Variants in AKR1C1 observed in about 807,000 individuals in gnomAD.
The protein encoded by AKR1C1 is aldo-keto reductase family 1 member C1, also known as 20 alpha-hydroxysteroid dehydrogenase.
In AKR1C1, 32 loss-of-function variants were observed where a neutral mutation model predicts 40.6. That is an observed-to-expected ratio of 0.79 (90% CI 0.60 to 1.06). The LOEUF (loss-of-function observed/expected upper bound fraction) is 1.06, where lower values mean the gene tolerates loss of function less well. AKR1C1 is among the 50% of genes least tolerant of loss of function. The pLI is 0.00. For synonymous variants in AKR1C1, 105 were observed against 134.2 expected (o/e 0.78, Z 1.50); for missense variants, 320 against 363.5 (o/e 0.88, Z 0.97).
At position 4,979,250 on chromosome 10, in the gene AKR1C1, C is replaced by A. The variant is rs529343214; in HGVS notation, c.*1508C>A. ...TTATTTTTCGTCTTCTATCATTCCGCTGATCTTAGATATTCTCTGCATTAA... is the reference window on the plus strand; with the variant it reads ...TTATTTTTCGTCTTCTATCATTCCGATGATCTTAGATATTCTCTGCATTAA... On this transcript the variant is annotated 3_prime_UTR_variant, in exon 9 of 9. Coordinates refer to ENST00000380872, the MANE Select transcript of AKR1C1 (RefSeq NM_001353.6). The A allele has an allele frequency of 4.6e-3, 708 of 152,282 alleles. 8 individuals carry two copies. Among genetic ancestry groups the A allele is most frequent in the African/African-American group, 0.016 (673 of 41,564 alleles). The allele number at this position is 152,282 out of a possible 1,614,324, so 9.4% of individuals were successfully genotyped here. A position where few individuals can be genotyped will look rare whatever the true frequency, so the allele number is the denominator to read the frequency against.
chr10:4,969,075 C>T (rs991610538), intron 5 of AKR1C1, 131 bp downstream of exon 5: 7 of 1,542,618 alleles, frequency 4.5e-6, no homozygotes, highest in Admixed American at 2.0e-5. Context: ...GACTCTGTCT[C>T]GAAGGGCATA....
chr10:4,973,125 T>C (rs1836465038), intron 7 of AKR1C1, among the ~76,000 whole-genome samples: 1 of 151,234 alleles, frequency 6.6e-6, no homozygotes, highest in South Asian at 2.1e-4. Flanking sequence ...ATATTTATTC[T>C]CTTAGAATTT....
In AKR1C1 at chr10:4,971,802, C is replaced by A. The variant is rs576655715; in HGVS notation, c.571-399C>A. 4.9e-4 allele frequency among the ~76,000 whole-genome samples: 74 copies of A among 151,892 alleles called. No individual in the cohort carries two copies. In the South Asian group the frequency reaches 0.015, roughly 31 times the overall value. On this transcript the variant is annotated intron_variant, in intron 5 of 8. Coordinates refer to ENST00000380872, the MANE Select transcript of AKR1C1 (RefSeq NM_001353.6). ...TAGAAAACATACATATACATGTATG[C>A]ATTTTTGGTATTAATTAGGAAACTA...
In AKR1C1 at chr10:4,982,897, G is replaced by C. The variant is rs1441294446; in HGVS notation, c.*5155G>C. The C allele has an allele frequency of 2.3e-6, 1 of 441,632 alleles. No individual in the cohort carries two copies. The highest frequency in any genetic ancestry group is 2.4e-5 in the Admixed American group (1 of 41,862). 27.4% of individuals were successfully genotyped at this position (441,632 alleles called of 1,614,324 possible). On this transcript the variant is annotated 3_prime_UTR_variant, in exon 9 of 9. Coordinates refer to ENST00000380872, the MANE Select transcript of AKR1C1 (RefSeq NM_001353.6). ...CGTACCACACCCTGACCAGTCAGAG[G>C]TCTTGAGTCGGTCCGCATGACAAGT...
chr10:4,971,433 G>A (rs1393689542), intron 5 of AKR1C1, among the ~76,000 whole-genome samples: 6 of 149,620 alleles, frequency 4.0e-5, no homozygotes, highest in Non-Finnish European at 7.4e-5. Context: ...ACAGACTCAC[G>A]GATTCTTGTG....
intron 4 of AKR1C1, 99 bp downstream of exon 4, chr10:4,968,485 C>G: frequency 7.0e-7 from 1 of 1,419,648 alleles, no homozygotes; most frequent in East Asian, 2.3e-5. Context: ...ACCATTGGAT[C>G]AAAAACTTAG....
chr10:4,971,457 T>C (rs1435898865), intron 5 of AKR1C1, among the ~76,000 whole-genome samples: 2 of 148,888 alleles, frequency 1.3e-5, no homozygotes, highest in Non-Finnish European at 3.0e-5. Context: ...TGATTTTTAA[T>C]TTATTTTACT....
chr10:4,966,318 A>G (rs1564314978), intron 2 of AKR1C1, among the ~76,000 whole-genome samples: 1 of 152,238 alleles, frequency 6.6e-6, no homozygotes, highest in Non-Finnish European at 1.5e-5. Context: ...CTCAGCACAG[A>G]TCAATATGGT....
At position 4,978,771 on chromosome 10, in the gene AKR1C1, G is replaced by A. The variant is rs1309434132; in HGVS notation, c.*1029G>A. ...AAATAATACATCTAATAAATCAAAT[G>A]TTCCAAGACTTCAAAGGTCTTTTGG... is the stretch of plus-strand genomic sequence containing the variant. On this transcript the variant is annotated 3_prime_UTR_variant, in exon 9 of 9. Coordinates refer to ENST00000380872, the MANE Select transcript of AKR1C1 (RefSeq NM_001353.6). 6 of 152,094 alleles carry A rather than the reference G, an allele frequency of 3.9e-5. No homozygotes were observed. The highest frequency in any genetic ancestry group is 7.2e-5 in the African/African-American group (3 of 41,406). 9.4% of individuals were successfully genotyped at this position (152,094 alleles called of 1,614,324 possible). A position where few individuals can be genotyped will look rare whatever the true frequency, so the allele number is the denominator to read the frequency against.
chr10:4,977,789 T>C lies in AKR1C1; in HGVS notation c.*47T>C. 1.4e-6 allele frequency: 2 copies of C among 1,467,368 alleles called. No homozygotes were observed. Among genetic ancestry groups the C allele is most frequent in the Non-Finnish European group, 1.9e-6 (2 of 1,050,880 alleles). 90.9% of individuals were successfully genotyped at this position (1,467,368 alleles called of 1,614,324 possible). A position where few individuals can be genotyped will look rare whatever the true frequency, so the allele number is the denominator to read the frequency against. On this transcript the variant is annotated 3_prime_UTR_variant, in exon 9 of 9. Coordinates refer to ENST00000380872, the MANE Select transcript of AKR1C1 (RefSeq NM_001353.6). ...TCTGCCAGAAGGCCCTGCGTGTGGA[T>C]GGTGACACAGAGGATGGCTCTATGC...
intron 3 of AKR1C1, chr10:4,967,689 T>C (rs1836354186): frequency 1.8e-6 from 1 of 550,268 alleles, no homozygotes. Context: ...TGATAAAAAC[T>C]CTAAAAATAT....
intron 7 of AKR1C1, among the ~76,000 whole-genome samples, chr10:4,973,639 G>C (rs573625246): frequency 3.7e-4 from 56 of 152,226 alleles, no homozygotes; most frequent in South Asian, 8.3e-4. Context: ...TGGGGAAAAA[G>C]ACACCACCTC....
intron 5 of AKR1C1, chr10:4,969,905 C>A: frequency 1.8e-6 from 1 of 560,182 alleles, no homozygotes; most frequent in Non-Finnish European, 3.1e-6. Flanking sequence ...TATAATGATA[C>A]GGTGCTGTGA....
In AKR1C1 at chr10:4,972,695, G is replaced by T. The variant is rs1209597894; in HGVS notation, c.792G>T (p.Gly264=). The change falls in exon 7 of 9, where the codon GGG becomes GGT. Residue 264 remains glycine (G), a synonymous_variant. Coordinates refer to ENST00000380872, the MANE Select transcript of AKR1C1 (RefSeq NM_001353.6). ...CCCTGCGCTACCAGCTACAGCGTGGGGTTGTGGTCCTGGCCAAGAGCTACA... is the reference window on the plus strand; with the variant it reads ...CCCTGCGCTACCAGCTACAGCGTGGTGTTGTGGTCCTGGCCAAGAGCTACA... ...LIALRYQLQR[G]VVVLAKSYNE... is the part of the protein sequence containing the mutation. 3.7e-6 allele frequency: 6 copies of T among 1,612,488 alleles called. No homozygotes were observed. In the Admixed American group the frequency reaches 8.3e-5, roughly 22 times the overall value.
chr10:4,973,241 G>T (rs1314206298), intron 7 of AKR1C1, among the ~76,000 whole-genome samples: 1 of 151,462 alleles, frequency 6.6e-6, no homozygotes, highest in Non-Finnish European at 1.5e-5. Context: ...AATACCTTAG[G>T]ATATAAGACA....
Position 4,972,267 on chromosome 10 carries a change from C to A in AKR1C1, c.637C>A (p.Leu213Met). 6.2e-7 allele frequency: 1 copy of A among 1,613,864 alleles called. No individual in the cohort carries two copies. Among genetic ancestry groups the A allele is most frequent in the Non-Finnish European group, 8.5e-7 (1 of 1,179,990 alleles). Reference sequence around the variant, plus strand: ...TTTCTGCAAGTCAAAAGACATTGTTCTGGTTGCCTATAGTGCTCTGGGATC... The same window carrying A: ...TTTCTGCAAGTCAAAAGACATTGTTATGGTTGCCTATAGTGCTCTGGGATC... Reference protein sequence around the residue: ...LDFCKSKDIVLVAYSALGSHR... With the variant: ...LDFCKSKDIVMVAYSALGSHR... Residue 213 changes from leucine to methionine, a missense_variant, in exon 6 of 9, where the codon CTG becomes ATG. Coordinates refer to ENST00000380872, the MANE Select transcript of AKR1C1 (RefSeq NM_001353.6).
intron 2 of AKR1C1, among the ~76,000 whole-genome samples, chr10:4,966,320 C>G (rs953382600): frequency 6.6e-6 from 1 of 152,192 alleles, no homozygotes; most frequent in Non-Finnish European, 1.5e-5. Context: ...CAGCACAGAT[C>G]AATATGGTTT....
Position 4,979,241 on chromosome 10 carries a change from A to G in AKR1C1, c.*1499A>G, listed in dbSNP as rs561873193. The G allele has an allele frequency of 2.0e-5, 3 of 152,192 alleles. No individual in the cohort carries two copies. The highest frequency in any genetic ancestry group is 2.9e-5 in the Non-Finnish European group (2 of 68,050). The allele number at this position is 152,192 out of a possible 1,614,324, so 9.4% of individuals were successfully genotyped here. On this transcript the variant is annotated 3_prime_UTR_variant, in exon 9 of 9. Coordinates refer to ENST00000380872, the MANE Select transcript of AKR1C1 (RefSeq NM_001353.6). ...TTTTTTGGATTATTTTTCGTCTTCT[A>G]TCATTCCGCTGATCTTAGATATTCT...
chr10:4,966,099 A>G lies in AKR1C1; in HGVS notation c.252+18A>G. The G allele has an allele frequency of 6.2e-7, 1 of 1,606,972 alleles. No homozygotes were observed. The highest frequency in any genetic ancestry group is 8.5e-7 in the Non-Finnish European group (1 of 1,176,242). On this transcript the variant is annotated intron_variant, in intron 2 of 8. Coordinates refer to ENST00000380872, the MANE Select transcript of AKR1C1 (RefSeq NM_001353.6). ...CTTCAAAGGTACTGTGCCTATGATG[A>G]GCTTGTGTGCACATGTATTTATTGT...
Sources: gnomAD v4.1 joint callset for allele counts (sites outside exome capture counted in the v4.1 genomes callset) on GRCh38, gnomAD v4.1.1 for gene constraint, MANE v1.5 for transcripts, NCBI Gene and HGNC (gene_info 2026-07-23, HGNC 2026-07-21) for gene names.